TMEM132D: variants seen among roughly 807,000 people sequenced by gnomAD.
TMEM132D encodes transmembrane protein 132D, also known as mature OL transmembrane protein.
Under a neutral mutation model 62.3 loss-of-function variants are expected in TMEM132D, and 21 were observed. The ratio of observed to expected loss-of-function variants is 0.34; its 90% CI spans 0.24 to 0.49. TMEM132D has a LOEUF of 0.49. TMEM132D is among the 20% of genes least tolerant of loss of function. The probability of loss-of-function intolerance (pLI) is 0.99; values close to 1 mark genes in which losing one functional copy is unlikely to be tolerated. For missense variants in TMEM132D, 1,346 were observed against 1,402.8 expected (o/e 0.96, Z 0.65); for synonymous variants, 621 against 575.6 (o/e 1.08, Z -1.13).
chr12:129,700,803 C>A, intron 1 of TMEM132D, 105 bp from the exon 2 acceptor site: 2 of 1,302,778 alleles, frequency 1.5e-6, no homozygotes, highest in Non-Finnish European at 1.0e-6. Context: ...CCTGTCTTCG[C>A]GCCAATTATG....
At chr12:129,160,350 TC>T (rs1395628488) in intron 5 of TMEM132D, among the ~76,000 whole-genome samples, 5 of 152,204 alleles carry the variant, frequency 3.3e-5, no homozygotes, top group Non-Finnish European at 1.5e-5. Context: ...TAAATCCCAT[TC>T]CATCTGGTTG....
At chr12:129,202,889 T>C (rs1174421840) in intron 5 of TMEM132D, among the ~76,000 whole-genome samples, 1 of 152,224 alleles carries the variant, frequency 6.6e-6, no homozygotes, top group East Asian at 1.9e-4. Flanking sequence ...AGGCTAAACG[T>C]TACACTAGGC....
At chr12:129,797,739 C>T (rs889408875) in intron 1 of TMEM132D, among the ~76,000 whole-genome samples, 4 of 152,224 alleles carry the variant, frequency 2.6e-5, no homozygotes, top group East Asian at 1.9e-4. Flanking sequence ...CCCTGGATAA[C>T]CTGGAAGAGG....
chr12:129,366,411 C>A (rs1870414672), intron 3 of TMEM132D, among the ~76,000 whole-genome samples: 3 of 152,196 alleles, frequency 2.0e-5, no homozygotes, highest in African/African-American at 7.2e-5. Context: ...CTCCCTCTCT[C>A]TTGCTCCTGC....
chr12:129,335,813 C>A (rs1869252707), intron 4 of TMEM132D, among the ~76,000 whole-genome samples: 1 of 152,192 alleles, frequency 6.6e-6, no homozygotes. Flanking sequence ...TTAGATGTGG[C>A]TATATAACTA....
intron 4 of TMEM132D, among the ~76,000 whole-genome samples, chr12:129,263,190 G>A (rs1033522392): frequency 2.0e-5 from 3 of 152,060 alleles, no homozygotes; most frequent in African/African-American, 4.8e-5. Context: ...CAGACCTCAC[G>A]GTGGGAAGTC....
At chr12:129,693,902 A>G (rs1881127691) in intron 2 of TMEM132D, among the ~76,000 whole-genome samples, 1 of 152,090 alleles carries the variant, frequency 6.6e-6, no homozygotes. Context: ...TCCCCCAGAC[A>G]TGCTTCCTAG....
chr12:129,436,761 T>C (rs572573938), intron 3 of TMEM132D, among the ~76,000 whole-genome samples: 2 of 152,190 alleles, frequency 1.3e-5, no homozygotes, highest in Non-Finnish European at 2.9e-5. Context: ...GCGTTTGTGA[T>C]TTTTCTATAA....
intron 2 of TMEM132D, among the ~76,000 whole-genome samples, chr12:129,595,161 A>T (rs980502757): frequency 1.3e-5 from 2 of 152,198 alleles, no homozygotes; most frequent in African/African-American, 4.8e-5. Flanking sequence ...ACAGGAAGTG[A>T]CATTTAAACC....
intron 4 of TMEM132D, among the ~76,000 whole-genome samples, chr12:129,319,946 A>T (rs1231725661): frequency 6.6e-6 from 1 of 152,220 alleles, no homozygotes; most frequent in East Asian, 1.9e-4. Context: ...GTGTCCAGTG[A>T]GATGATATTT....
At chr12:129,607,026 T>C (rs1294125715) in intron 2 of TMEM132D, among the ~76,000 whole-genome samples, 1 of 152,144 alleles carries the variant, frequency 6.6e-6, no homozygotes, top group Non-Finnish European at 1.5e-5. Context: ...TGTTCTCATC[T>C]CTGTGTCTCC....
At chr12:129,416,196 T>C (rs576846511) in intron 3 of TMEM132D, among the ~76,000 whole-genome samples, 1 of 152,232 alleles carries the variant, frequency 6.6e-6, no homozygotes, top group Non-Finnish European at 1.5e-5. Context: ...GAGCATGGAA[T>C]GTTTTTCCAT....
At chr12:129,316,701 T>C (rs1012223636) in intron 4 of TMEM132D, among the ~76,000 whole-genome samples, 1 of 152,330 alleles carries the variant, frequency 6.6e-6, no homozygotes, top group Non-Finnish European at 1.5e-5. Flanking sequence ...TGTTTCTTTG[T>C]TGACTTTCTG....
chr12:129,580,656 A>G (rs1322216192), intron 2 of TMEM132D, among the ~76,000 whole-genome samples: 1 of 152,128 alleles, frequency 6.6e-6, no homozygotes, highest in East Asian at 1.9e-4. Context: ...GTAAGCCGAG[A>G]TCGCGCCACT....
intron 3 of TMEM132D, among the ~76,000 whole-genome samples, chr12:129,399,505 G>A (rs1996716): frequency 0.24 from 25,375 of 103,594 alleles, 3,412 homozygotes; most frequent in Non-Finnish European, 0.31. Flanking sequence ...GAGCCCTCAT[G>A]ATCTTCTCAC....
At chr12:129,897,223 T>C (rs1875170816) in intron 1 of TMEM132D, among the ~76,000 whole-genome samples, 1 of 152,222 alleles carries the variant, frequency 6.6e-6, no homozygotes, top group South Asian at 2.1e-4. Context: ...GGCCGCACCA[T>C]ATCATCTCCA....
chr12:129,596,752 T>C (rs750376817), intron 2 of TMEM132D, among the ~76,000 whole-genome samples: 10 of 152,174 alleles, frequency 6.6e-5, no homozygotes, highest in Non-Finnish European at 1.5e-4. Flanking sequence ...CATATGCCTC[T>C]GACCTCATTC....
chr12:129,662,596 C>T (rs1880266582), intron 2 of TMEM132D, among the ~76,000 whole-genome samples: 1 of 152,042 alleles, frequency 6.6e-6, no homozygotes, highest in Admixed American at 6.5e-5. Flanking sequence ...AGATCAAGAC[C>T]ATCCTGGCCA....
chr12:129,899,406 C>CATGGATGGATGG (rs373344068), intron 1 of TMEM132D, among the ~76,000 whole-genome samples: 6 of 102,658 alleles, frequency 5.8e-5, no homozygotes, highest in African/African-American at 2.8e-4. Flanking sequence ...TGGATGGATG[C>CATGGATGGATGG]ATGGATGGAT....
Sources: allele counts gnomAD v4.1 joint callset (sites outside exome capture counted in the v4.1 genomes callset), GRCh38; gene constraint gnomAD v4.1.1; transcripts MANE v1.5; gene names NCBI Gene and HGNC (gene_info 2026-07-23, HGNC 2026-07-21).